ALG12: variants seen among roughly 807,000 people sequenced by gnomAD.
The protein encoded by ALG12 is ALG12 alpha-1,6-mannosyltransferase.
ALG12 carries 36 observed loss-of-function variants against 46.0 expected under a neutral mutation model. That is an observed-to-expected ratio of 0.78 (90% CI 0.60 to 1.03). ALG12 has a LOEUF of 1.03. Ranked by LOEUF, ALG12 falls within the 50% of genes least tolerant of loss-of-function variation. ALG12 has a pLI of 0.00. For missense variants in ALG12, 599 were observed against 633.5 expected, an observed-to-expected ratio of 0.95 and a Z score of 0.58; for synonymous variants, 326 against 291.6, an observed-to-expected ratio of 1.12 and a Z score of -1.20.
At position 49,900,957 on chromosome 22, in the gene ALG12, C is replaced by G. The variant is rs958276235; in HGVS notation, c.*2881G>C. On this transcript the variant is annotated 3_prime_UTR_variant, in exon 10 of 10. Coordinates refer to ENST00000330817, the MANE Select transcript of ALG12 (RefSeq NM_024105.4). ...GTTCCCCACCAAAGGGAGCCAAGACCCACAGAGCAATGGCCGAGGCCAGAG... is the reference window on the plus strand; with the variant it reads ...GTTCCCCACCAAAGGGAGCCAAGACGCACAGAGCAATGGCCGAGGCCAGAG... 1.3e-5 allele frequency: 2 copies of G among 152,294 alleles called. No homozygotes were observed. The highest frequency in any genetic ancestry group is 6.5e-5 in the Admixed American group (1 of 15,284). The allele number at this position is 152,294 out of a possible 1,614,324, so 9.4% of individuals were successfully genotyped here. A position where few individuals can be genotyped will look rare whatever the true frequency, so the allele number is the denominator to read the frequency against.
chr22:49,860,755 A>G, the ALG12 span, among the ~76,000 whole-genome samples: 2 of 149,952 alleles, frequency 1.3e-5, no homozygotes, highest in African/African-American at 4.9e-5. Context: ...TACCTTTCTT[A>G]TCCCCACCAC....
chr22:49,879,454 A>G, the ALG12 span, among the ~76,000 whole-genome samples: 1 of 151,614 alleles, frequency 6.6e-6, no homozygotes, highest in East Asian at 2.0e-4. Flanking sequence ...TGCAGAGACG[A>G]TGTTTTGCCA....
At chr22:49,899,192 GC>G (rs2060494379), downstream of ALG12, among the ~76,000 whole-genome samples, 1 of 152,092 alleles carries the variant, frequency 6.6e-6, no homozygotes, top group Non-Finnish European at 1.5e-5. Flanking sequence ...AATGATGCAG[GC>G]CGGGCACAGT....
chr22:49,894,285 G>A, the ALG12 span, among the ~76,000 whole-genome samples: 1 of 152,204 alleles, frequency 6.6e-6, no homozygotes, highest in East Asian at 1.9e-4. Flanking sequence ...AAGAAGGTAA[G>A]AAAGGAAAAA....
chr22:49,909,424 A>C, intron 5 of ALG12, 77 bp from the exon 6 acceptor site: 1 of 1,351,018 alleles, frequency 7.4e-7, no homozygotes, highest in South Asian at 1.2e-5. Context: ...AGCCCCCATC[A>C]CTACAGAAAC....
chr22:49,911,381 G>T (rs1291957362), intron 3 of ALG12, among the ~76,000 whole-genome samples: 2 of 152,084 alleles, frequency 1.3e-5, no homozygotes, highest in African/African-American at 4.8e-5. Context: ...AATACCCCAT[G>T]TGCATACCAG....
chr22:49,896,943 C>G (rs934059856), downstream of ALG12, among the ~76,000 whole-genome samples: 1 of 151,682 alleles, frequency 6.6e-6, no homozygotes, highest in African/African-American at 2.4e-5. Context: ...ACCTGGCCCA[C>G]TTTTAAAGTG....
intron 3 of ALG12, among the ~76,000 whole-genome samples, chr22:49,912,059 G>A (rs916104592): frequency 5.5e-4 from 66 of 119,196 alleles, no homozygotes; most frequent in Middle Eastern, 4.5e-3. Flanking sequence ...CCTCGGCCGC[G>A]GGATCAGCCT....
At chr22:49,879,378 C>T in the ALG12 span, among the ~76,000 whole-genome samples, 3 of 152,064 alleles carry the variant, frequency 2.0e-5, no homozygotes, top group South Asian at 6.2e-4. Context: ...CCGTCTGCCT[C>T]ATCCTCCCGA....
Position 49,903,821 on chromosome 22 carries a change from G to A in ALG12, c.*17C>T. ...CTCCTGGAAGGCCTGTGGCTGCTGA[G>A]GGCTGCCTGGTCCCCCTCAGGACGG... On this transcript the variant is annotated 3_prime_UTR_variant, in exon 10 of 10. Transcript: ENST00000330817. 2 of 1,613,642 alleles carry A rather than the reference G, an allele frequency of 1.2e-6. No homozygotes were observed. Among genetic ancestry groups the A allele is most frequent in the Non-Finnish European group, 1.7e-6 (2 of 1,179,580 alleles).
At chr22:49,884,415 G>T in the ALG12 span, 1 of 1,613,798 alleles carries the variant, frequency 6.2e-7, no homozygotes, top group Non-Finnish European at 8.5e-7. Flanking sequence ...AAGAAGCCCT[G>T]GTGGGGTCGT....
the ALG12 span, among the ~76,000 whole-genome samples, chr22:49,869,917 G>T: frequency 6.6e-6 from 1 of 152,168 alleles, no homozygotes; most frequent in Non-Finnish European, 1.5e-5. Context: ...CGCCCAGATC[G>T]TGAGCATGGT....
intron 3 of ALG12, among the ~76,000 whole-genome samples, chr22:49,912,476 G>A (rs973864647): frequency 2.0e-5 from 3 of 152,178 alleles, no homozygotes; most frequent in Admixed American, 6.5e-5. Context: ...CCCATTTGGG[G>A]CTTCCTGATG....
At chr22:49,887,119 C>T in the ALG12 span, 1 of 1,612,806 alleles carries the variant, frequency 6.2e-7, no homozygotes. Context: ...CATGATGGAA[C>T]ATTTTGAAAA....
In ALG12 at chr22:49,901,548, TTGTG is replaced by T. The variant is rs1252719548; in HGVS notation, c.*2286_*2289del. The T allele has an allele frequency of 2.3e-5, 3 of 131,192 alleles. No homozygotes were observed. Among genetic ancestry groups the T allele is most frequent in the South Asian group, 2.7e-4 (1 of 3,684 alleles). The allele number at this position is 131,192 out of a possible 1,614,324, so 8.1% of individuals were successfully genotyped here. A position where few individuals can be genotyped will look rare whatever the true frequency, so the allele number is the denominator to read the frequency against. On this transcript the variant is annotated 3_prime_UTR_variant, in exon 10 of 10. Transcript: ENST00000330817. ...TATGCATGGTGTGTGCACGTGTGCA[TTGTG>T]TGTGCACGATTGCATTGTGTGGTGT...
the ALG12 span, among the ~76,000 whole-genome samples, chr22:49,890,956 G>C: frequency 6.6e-6 from 1 of 152,068 alleles, no homozygotes; most frequent in Non-Finnish European, 1.5e-5. Flanking sequence ...CGTGAACCTG[G>C]GAGGCAGAGC....
At chr22:49,916,034 T>C (rs894318136) in intron 1 of ALG12, among the ~76,000 whole-genome samples, 5 of 151,412 alleles carry the variant, frequency 3.3e-5, no homozygotes, top group African/African-American at 1.2e-4. Flanking sequence ...CTGAGGCGGG[T>C]GGATCACAAG....
the ALG12 span, chr22:49,886,323 C>T: frequency 8.1e-5 from 128 of 1,589,370 alleles, no homozygotes; most frequent in African/African-American, 3.9e-4. The surrounding 1 kb of genome is among the most constrained non-coding windows in gnomAD (Gnocchi z 7.7). Flanking sequence ...TCATCCAGGA[C>T]GTCCCGTCCA....
chr22:49,892,345 C>T, the ALG12 span, among the ~76,000 whole-genome samples: 1 of 152,122 alleles, frequency 6.6e-6, no homozygotes, highest in South Asian at 2.1e-4. Flanking sequence ...GGTGTCCTGC[C>T]CTAAGGCCTG....
Sources: allele counts gnomAD v4.1 joint callset (sites outside exome capture counted in the v4.1 genomes callset), GRCh38; gene constraint gnomAD v4.1.1; non-coding constraint Gnocchi (gnomAD v3.1); transcripts MANE v1.5; gene names NCBI Gene and HGNC (gene_info 2026-07-23, HGNC 2026-07-21).